The following RGS20 variants were observed in gnomAD, a reference collection of about 807,000 sequenced individuals.
The protein encoded by RGS20 is gz-selective GTPase-activating protein.
A neutral mutation model predicts 33.6 loss-of-function variants in RGS20; 30 were observed. The ratio of observed to expected loss-of-function variants is 0.89; its 90% CI spans 0.67 to 1.21. The LOEUF is 1.21. RGS20 is among the 50% of genes most tolerant of loss of function. The pLI is 0.00. For synonymous variants in RGS20, 208 were observed against 197.9 expected (o/e 1.05, Z -0.43); for missense variants, 472 against 502.4 (o/e 0.94, Z 0.58).
At chr8:53,894,930 G>A (rs1178188808) in intron 2 of RGS20, among the ~76,000 whole-genome samples, 2 of 152,186 alleles carry the variant, frequency 1.3e-5, no homozygotes, top group Admixed American at 1.3e-4. Context: ...GGGACTAACA[G>A]GATCTGGATT....
chr8:53,912,847 CTTAT>C (rs1226986138), intron 2 of RGS20, among the ~76,000 whole-genome samples: 7 of 152,062 alleles, frequency 4.6e-5, no homozygotes, highest in East Asian at 3.8e-4. Context: ...ATTCTTTCCC[CTTAT>C]TTATCAGTTT....
At chr8:53,903,240 A>G (rs985827667) in intron 2 of RGS20, among the ~76,000 whole-genome samples, 1 of 152,218 alleles carries the variant, frequency 6.6e-6, no homozygotes, top group Non-Finnish European at 1.5e-5. Context: ...TTAGGTGCCT[A>G]TTGTATGCTA....
At chr8:53,884,520 T>C (rs1314517285) in intron 2 of RGS20, among the ~76,000 whole-genome samples, 1 of 152,148 alleles carries the variant, frequency 6.6e-6, no homozygotes, top group Admixed American at 6.6e-5. Context: ...ATATCAAAAA[T>C]ACAGAATGAT....
At chr8:53,882,245 C>T (rs887133020) in intron 2 of RGS20, among the ~76,000 whole-genome samples, 3 of 152,132 alleles carry the variant, frequency 2.0e-5, no homozygotes, top group Admixed American at 6.5e-5. Flanking sequence ...ATAGGCGCCG[C>T]GACCTACCCC....
intron 1 of RGS20, among the ~76,000 whole-genome samples, chr8:53,870,051 G>A (rs566375281): frequency 1.3e-5 from 2 of 152,152 alleles, no homozygotes; most frequent in African/African-American, 2.4e-5. Context: ...AGCTGCCAAT[G>A]GCCAAACATT....
At chr8:53,892,358 C>T (rs1812734695) in intron 2 of RGS20, among the ~76,000 whole-genome samples, 1 of 152,172 alleles carries the variant, frequency 6.6e-6, no homozygotes, top group Non-Finnish European at 1.5e-5. Flanking sequence ...CATACATGTG[C>T]ATGTGTCTTT....
intron 3 of RGS20, among the ~76,000 whole-genome samples, chr8:53,944,273 C>T (rs1814396644): frequency 6.6e-6 from 1 of 152,206 alleles, no homozygotes; most frequent in African/African-American, 2.4e-5. Context: ...GGCGCGATGG[C>T]TCACGCCTGT....
At chr8:53,946,512 C>A in intron 3 of RGS20, 153 bp from the exon 3 acceptor site, 1 of 746,420 alleles carries the variant, frequency 1.3e-6, no homozygotes, top group Non-Finnish European at 2.4e-6. Context: ...TTTTGGTTTG[C>A]TTGGGAAAAC....
At chr8:53,908,353 A>T (rs145921414) in intron 2 of RGS20, among the ~76,000 whole-genome samples, 158 of 152,188 alleles carry the variant, frequency 1.0e-3, no homozygotes, top group Non-Finnish European at 3.4e-4. Flanking sequence ...ACTTATACAG[A>T]CTGCTGCTGG....
At chr8:53,930,898 G>A (rs1027028071) in intron 2 of RGS20, among the ~76,000 whole-genome samples, 1 of 152,150 alleles carries the variant, frequency 6.6e-6, no homozygotes, top group African/African-American at 2.4e-5. Flanking sequence ...AAAACATCTT[G>A]GTTTGGAGAT....
At chr8:53,917,438 C>G (rs1260315550) in intron 2 of RGS20, among the ~76,000 whole-genome samples, 1 of 152,204 alleles carries the variant, frequency 6.6e-6, no homozygotes, top group African/African-American at 2.4e-5. Context: ...CATGAGCCAC[C>G]ATGCCCGGCC....
chr8:53,942,986 A>C (rs1279406253), intron 3 of RGS20, among the ~76,000 whole-genome samples: 1 of 152,152 alleles, frequency 6.6e-6, no homozygotes, highest in Non-Finnish European at 1.5e-5. Context: ...ACAGAGTGAG[A>C]CCTTGTCTCA....
chr8:53,869,787 T>A (rs371934959), intron 1 of RGS20, among the ~76,000 whole-genome samples: 1 of 152,130 alleles, frequency 6.6e-6, no homozygotes, highest in African/African-American at 2.4e-5. Flanking sequence ...AAAGGTTTAT[T>A]GATCACATAT....
chr8:53,900,521 A>G (rs1812985987), intron 2 of RGS20, among the ~76,000 whole-genome samples: 1 of 152,240 alleles, frequency 6.6e-6, no homozygotes, highest in Non-Finnish European at 1.5e-5. Flanking sequence ...ATGTTTATAT[A>G]GCAAGAAATG....
At chr8:53,930,423 T>C (rs1585931992) in intron 2 of RGS20, among the ~76,000 whole-genome samples, 1 of 152,206 alleles carries the variant, frequency 6.6e-6, no homozygotes, top group East Asian at 1.9e-4. Context: ...TGAATAGATA[T>C]TTCATGGACT....
intron 2 of RGS20, among the ~76,000 whole-genome samples, chr8:53,916,987 C>A (rs1257261923): frequency 6.6e-6 from 1 of 152,132 alleles, no homozygotes; most frequent in Non-Finnish European, 1.5e-5. Flanking sequence ...CTAATCACTC[C>A]CTAGGGCCCC....
chr8:53,902,384 C>T (rs191056153), intron 2 of RGS20, among the ~76,000 whole-genome samples: 5 of 152,282 alleles, frequency 3.3e-5, no homozygotes, highest in African/African-American at 1.2e-4. Context: ...GCAACGTTCT[C>T]AGGGAGTATA....
chr8:53,924,840 C>A (rs1445873551), intron 2 of RGS20, among the ~76,000 whole-genome samples: 3 of 152,210 alleles, frequency 2.0e-5, no homozygotes, highest in Non-Finnish European at 4.4e-5. Flanking sequence ...AGTTCCAGCT[C>A]ATTCCAGACC....
chr8:53,889,974 G>A (rs1340099076), intron 2 of RGS20, among the ~76,000 whole-genome samples: 4 of 152,044 alleles, frequency 2.6e-5, no homozygotes, highest in Non-Finnish European at 5.9e-5. Flanking sequence ...GGTTAACTGA[G>A]CTTCTTTTAT....
Sources: allele counts gnomAD v4.1 joint callset (sites outside exome capture counted in the v4.1 genomes callset), GRCh38; gene constraint gnomAD v4.1.1; transcripts MANE v1.5; gene names NCBI Gene and HGNC (gene_info 2026-07-23, HGNC 2026-07-21).